Variants in EVI5 observed in about 807,000 individuals in gnomAD.
EVI5 encodes the protein ecotropic viral integration site 5, also known as ecotropic viral integration site 5 protein homolog.
A neutral mutation model predicts 112.0 loss-of-function variants in EVI5; 73 were observed. The observed-to-expected ratio is 0.65, with a 90% confidence interval of 0.54 to 0.79. The LOEUF (loss-of-function observed/expected upper bound fraction) is 0.79. Among genes scored for constraint, EVI5 ranks in the 30% least tolerant of loss-of-function variants. EVI5 has a pLI of 0.00. For missense variants in EVI5, 900 were observed against 968.8 expected, an observed-to-expected ratio of 0.93 and a Z score of 0.94; for synonymous variants, 305 against 319.9, an observed-to-expected ratio of 0.95 and a Z score of 0.50.
chr1:92,691,295 G>A (rs771185515), intron 9 of EVI5, among the ~76,000 whole-genome samples: 27 of 151,862 alleles, frequency 1.8e-4, no homozygotes, highest in Non-Finnish European at 3.8e-4. Context: ...ATGTATTAAA[G>A]AGTGAAGTGT....
chr1:92,629,743 G>A (rs908691810), intron 14 of EVI5, among the ~76,000 whole-genome samples: 5 of 151,456 alleles, frequency 3.3e-5, no homozygotes, highest in Non-Finnish European at 7.4e-5. Flanking sequence ...ACATACATGT[G>A]CCATGTTGGT....
chr1:92,627,689 C>A (rs1371104161), intron 14 of EVI5, among the ~76,000 whole-genome samples: 1 of 152,100 alleles, frequency 6.6e-6, no homozygotes, highest in Non-Finnish European at 1.5e-5. Flanking sequence ...CCAACATCTA[C>A]TGTTTTTTGA....
At chr1:92,555,577 T>G (rs1159165290) in intron 19 of EVI5, among the ~76,000 whole-genome samples, 1 of 151,918 alleles carries the variant, frequency 6.6e-6, no homozygotes, top group Non-Finnish European at 1.5e-5. Context: ...TGGCCGGGCG[T>G]GGTGGCTCAT....
intron 1 of EVI5, among the ~76,000 whole-genome samples, chr1:92,747,116 T>C (rs1311448231): frequency 6.6e-6 from 1 of 152,052 alleles, no homozygotes; most frequent in Non-Finnish European, 1.5e-5. Flanking sequence ...ATTCAAAATA[T>C]AATAATACAA....
chr1:92,587,249 A>G (rs985242889), intron 18 of EVI5, among the ~76,000 whole-genome samples: 1 of 152,216 alleles, frequency 6.6e-6, no homozygotes, highest in African/African-American at 2.4e-5. Context: ...TAATATTAAG[A>G]CAAGATACAA....
At chr1:92,607,086 G>A (rs1650588860) in intron 17 of EVI5, among the ~76,000 whole-genome samples, 1 of 152,056 alleles carries the variant, frequency 6.6e-6, no homozygotes, top group Non-Finnish European at 1.5e-5. Context: ...GTATATAACT[G>A]ATTAAAATAA....
chr1:92,600,081 T>C (rs1648793887), intron 18 of EVI5, among the ~76,000 whole-genome samples: 1 of 152,062 alleles, frequency 6.6e-6, no homozygotes, highest in African/African-American at 2.4e-5. Flanking sequence ...AGAAGAGAAA[T>C]GTTATTATAG....
In EVI5 at chr1:92,524,354, A is replaced by G. The variant is rs140547298; in HGVS notation, c.2167-10384T>C. Among the ~76,000 whole-genome samples, 620 of 152,298 alleles carry G rather than the reference A, an allele frequency of 4.1e-3. 4 individuals carry two copies. Among genetic ancestry groups the G allele is most frequent in the African/African-American group, 0.014 (598 of 41,562 alleles). On this transcript the variant is annotated intron_variant, in intron 19 of 19. Coordinates refer to ENST00000684568, the MANE Select transcript of EVI5 (RefSeq NM_001350197.2). ...AGGGTAAATAAATTTAGATGTAAAGATTCCTTGTTAATTTATCACTTCCAT... is the reference window on the plus strand; with the variant it reads ...AGGGTAAATAAATTTAGATGTAAAGGTTCCTTGTTAATTTATCACTTCCAT...
At position 92,755,068 on chromosome 1, in the gene EVI5, G is replaced by GTTTTGTTT. The variant is rs376692311; in HGVS notation, c.-81-18442_-81-18441insAAACAAAA. Among the ~76,000 whole-genome samples, 73 of 33,430 alleles carry GTTTTGTTT rather than the reference G, an allele frequency of 2.2e-3. 3 individuals carry two copies. Among genetic ancestry groups the GTTTTGTTT allele is most frequent in the South Asian group, 5.6e-3 (4 of 712 alleles). 21.9% of individuals were successfully genotyped at this position (33,430 alleles called of 152,430 possible). ...CTTAAGGTGGGTGATGTGAACATAG[G>GTTTTGTTT]TTTTTTTTTTTTTTTTTTTTTGCAT... is the stretch of plus-strand genomic sequence containing the variant. On this transcript the variant is annotated intron_variant, in intron 1 of 19. Transcript: ENST00000684568.
chr1:92,745,648 T>C (rs1287911280), intron 1 of EVI5, among the ~76,000 whole-genome samples: 2 of 151,738 alleles, frequency 1.3e-5, no homozygotes, highest in South Asian at 2.1e-4. Context: ...ACCTCATCTC[T>C]ACAAAAAAAA....
chr1:92,589,870 T>C (rs941065401), intron 18 of EVI5, among the ~76,000 whole-genome samples: 3 of 151,892 alleles, frequency 2.0e-5, no homozygotes, highest in African/African-American at 7.3e-5. Flanking sequence ...CCCCCCCGTA[T>C]GGGCAGACTG....
chr1:92,742,814 C>T (rs966264429), intron 1 of EVI5, among the ~76,000 whole-genome samples: 1 of 152,132 alleles, frequency 6.6e-6, no homozygotes, highest in Non-Finnish European at 1.5e-5. Flanking sequence ...ATAAATGGCA[C>T]AGCTGCTGTC....
intron 14 of EVI5, among the ~76,000 whole-genome samples, chr1:92,634,057 C>G (rs978511912): frequency 6.6e-6 from 1 of 152,212 alleles, no homozygotes; most frequent in Non-Finnish European, 1.5e-5. Context: ...AGCTGTTAGT[C>G]TGATGGGCTT....
intron 18 of EVI5, among the ~76,000 whole-genome samples, chr1:92,574,229 G>C (rs1266116498): frequency 6.6e-6 from 1 of 152,118 alleles, no homozygotes; most frequent in Non-Finnish European, 1.5e-5. Context: ...ATGTGCCCAG[G>C]ATGTGTCACA....
At chr1:92,751,091 A>C (rs985238161) in intron 1 of EVI5, among the ~76,000 whole-genome samples, 3 of 152,200 alleles carry the variant, frequency 2.0e-5, no homozygotes, top group Admixed American at 2.0e-4. Flanking sequence ...CAGAGCTGGC[A>C]ATGAGCCAAG....
intron 19 of EVI5, among the ~76,000 whole-genome samples, chr1:92,555,157 T>G (rs1667491236): frequency 3.3e-5 from 5 of 152,214 alleles, no homozygotes; most frequent in Admixed American, 3.3e-4. Flanking sequence ...CCCTATTTAC[T>G]TGGTTGTATG....
intron 1 of EVI5, among the ~76,000 whole-genome samples, chr1:92,742,790 T>C (rs891414509): frequency 2.6e-5 from 4 of 152,200 alleles, no homozygotes; most frequent in African/African-American, 9.6e-5. Flanking sequence ...AGTGTTGACA[T>C]TGTTAATGGA....
upstream of EVI5, among the ~76,000 whole-genome samples, chr1:92,788,655 G>A (rs1279743091): frequency 2.6e-5 from 4 of 151,754 alleles, no homozygotes; most frequent in South Asian, 2.1e-4. Context: ...TTAGCTGGGC[G>A]TGGTGGTGTG....
chr1:92,790,878 T>C (rs1332641453), intron 1 of EVI5, among the ~76,000 whole-genome samples: 1 of 151,738 alleles, frequency 6.6e-6, no homozygotes, highest in Admixed American at 6.6e-5. Context: ...CCACTTTACC[T>C]CCACCGTATG....
Sources: gnomAD v4.1 joint callset for allele counts (sites outside exome capture counted in the v4.1 genomes callset) on GRCh38, gnomAD v4.1.1 for gene constraint, MANE v1.5 for transcripts, NCBI Gene and HGNC (gene_info 2026-07-23, HGNC 2026-07-21) for gene names.